SLC39A11: variants seen among roughly 807,000 people sequenced by gnomAD.
SLC39A11 encodes the protein solute carrier family 39 member 11, also known as zinc transporter ZIP11.
In SLC39A11, 33 loss-of-function variants were observed where a neutral mutation model predicts 36.1. That is an observed-to-expected ratio of 0.91 (90% CI 0.69 to 1.22). The LOEUF is 1.22. Among genes scored for constraint, SLC39A11 ranks in the 50% most tolerant of loss-of-function variants. The pLI, the probability that SLC39A11 is intolerant of heterozygous loss-of-function variation, is 0.00. For missense variants in SLC39A11, 432 were observed against 430.3 expected (o/e 1.00, Z -0.03); for synonymous variants, 166 against 170.3 (o/e 0.97, Z 0.20).
intron 6 of SLC39A11, among the ~76,000 whole-genome samples, chr17:72,803,490 T>C (rs1491000585): frequency 6.6e-6 from 1 of 152,122 alleles, no homozygotes; most frequent in Non-Finnish European, 1.5e-5. Flanking sequence ...CTAGGGAAAG[T>C]GGGGGAAGGC....
chr17:73,047,035 T>A (rs184890339), intron 3 of SLC39A11, among the ~76,000 whole-genome samples: 3,174 of 150,312 alleles, frequency 0.021, 56 homozygotes, highest in Non-Finnish European at 0.036. Flanking sequence ...TTATTTTTTT[T>A]TTTTTTTGAG....
chr17:72,896,192 CTTTTTTTTTTT>C (rs771180987), intron 5 of SLC39A11, among the ~76,000 whole-genome samples: 5 of 74,598 alleles, frequency 6.7e-5, no homozygotes, highest in South Asian at 6.3e-4. Context: ...CACATTAATC[CTTTTTTTTTTT>C]TTTTTTTTTT....
At chr17:73,045,685 T>C (rs1378180353) in intron 3 of SLC39A11, among the ~76,000 whole-genome samples, 1 of 152,240 alleles carries the variant, frequency 6.6e-6, no homozygotes, top group East Asian at 1.9e-4. Context: ...CTCATTACTT[T>C]GGTCCTTTCA....
chr17:72,835,477 A>C (rs527700360), intron 6 of SLC39A11, among the ~76,000 whole-genome samples: 1 of 152,026 alleles, frequency 6.6e-6, no homozygotes, highest in African/African-American at 2.4e-5. Flanking sequence ...TTATTTTTTT[A>C]TTGAGACAGG....
At chr17:72,817,593 T>C (rs1337605474) in intron 6 of SLC39A11, among the ~76,000 whole-genome samples, 1 of 152,180 alleles carries the variant, frequency 6.6e-6, no homozygotes. Context: ...AAGCGCTCAA[T>C]GGATGATGGC....
intron 6 of SLC39A11, among the ~76,000 whole-genome samples, chr17:72,748,621 T>C (rs1700752739): frequency 6.6e-6 from 1 of 152,202 alleles, no homozygotes; most frequent in Admixed American, 6.5e-5. Context: ...CAGCCACATC[T>C]TCAAACAACA....
intron 5 of SLC39A11, among the ~76,000 whole-genome samples, chr17:72,860,723 G>A (rs2079933439): frequency 6.6e-6 from 1 of 152,144 alleles, no homozygotes; most frequent in Non-Finnish European, 1.5e-5. Context: ...GACTATCGGT[G>A]TCATTGCAAA....
intron 3 of SLC39A11, among the ~76,000 whole-genome samples, chr17:73,032,184 G>A (rs992689030): frequency 6.6e-6 from 1 of 151,576 alleles, no homozygotes; most frequent in South Asian, 2.1e-4. Flanking sequence ...ATGTCAATGA[G>A]AATGCTGTTG....
chr17:72,719,801 A>T (rs1042170800), intron 7 of SLC39A11, among the ~76,000 whole-genome samples: 2 of 151,974 alleles, frequency 1.3e-5, no homozygotes, highest in African/African-American at 4.8e-5. Context: ...GTCGCCAGGG[A>T]CTTGGGTGGG....
intron 6 of SLC39A11, among the ~76,000 whole-genome samples, chr17:72,795,500 A>T (rs766489443): frequency 6.6e-6 from 1 of 152,102 alleles, no homozygotes; most frequent in Non-Finnish European, 1.5e-5. Context: ...AGCCACAGAG[A>T]CTTCACTTGA....
At position 72,905,199 on chromosome 17, in the gene SLC39A11, G is replaced by T. The variant is rs1039202882; in HGVS notation, c.430+42553C>A. On this transcript the variant is annotated intron_variant, in intron 5 of 9. Transcript: ENST00000255559. ...AAAAAAAAAAAAAAAAAAAAAAAAAGATAGCACAGGCCATGATTCTCCTGG... is the reference window on the plus strand; with the variant it reads ...AAAAAAAAAAAAAAAAAAAAAAAAATATAGCACAGGCCATGATTCTCCTGG... 3.7e-4 allele frequency among the ~76,000 whole-genome samples: 31 copies of T among 82,988 alleles called. 1 individual carries two copies. The highest frequency in any genetic ancestry group is 1.0e-3 in the Admixed American group (8 of 7,978). 54.4% of individuals were successfully genotyped at this position (82,988 alleles called of 152,430 possible).
intron 6 of SLC39A11, among the ~76,000 whole-genome samples, chr17:72,761,996 G>A (rs1172621945): frequency 6.6e-6 from 1 of 152,200 alleles, no homozygotes; most frequent in Non-Finnish European, 1.5e-5. Context: ...AGAGTTTTAG[G>A]CGAGTCTAGA....
intron 3 of SLC39A11, among the ~76,000 whole-genome samples, chr17:73,059,703 A>AG (rs1244278914): frequency 2.5e-5 from 2 of 80,168 alleles, no homozygotes; most frequent in African/African-American, 3.6e-5. Flanking sequence ...TCCATATGCA[A>AG]GGAAAAAAAA....
At chr17:72,828,878 A>G (rs973995588) in intron 6 of SLC39A11, among the ~76,000 whole-genome samples, 1 of 152,174 alleles carries the variant, frequency 6.6e-6, no homozygotes, top group Non-Finnish European at 1.5e-5. Flanking sequence ...GATGAAACTC[A>G]CAGGAGTCAA....
intron 7 of SLC39A11, among the ~76,000 whole-genome samples, chr17:72,704,622 T>C (rs927589827): frequency 1.3e-5 from 2 of 152,216 alleles, no homozygotes; most frequent in Non-Finnish European, 2.9e-5. Flanking sequence ...GCGCCATCTG[T>C]GTGCATTTTA....
At chr17:72,969,264 C>T (rs540353583) in intron 4 of SLC39A11, among the ~76,000 whole-genome samples, 21 of 152,132 alleles carry the variant, frequency 1.4e-4, no homozygotes, top group Middle Eastern at 3.4e-3. Flanking sequence ...AGCTAGACAC[C>T]GAGCGCCCAC....
chr17:73,031,761 G>C, intron 3 of SLC39A11, 47 bp from the exon 4 acceptor site: 1 of 1,595,740 alleles, frequency 6.3e-7, no homozygotes, highest in Non-Finnish European at 8.6e-7. Flanking sequence ...ACTGCAGAAG[G>C]CTTTCCAGGC....
chr17:73,081,628 T>C lies in SLC39A11; in HGVS notation c.147+3180A>G, dbSNP rs71381078. Among the ~76,000 whole-genome samples, 50 of 77,962 alleles carry C rather than the reference T, an allele frequency of 6.4e-4. 1 individual carries two copies. Among genetic ancestry groups the C allele is most frequent in the East Asian group, 2.2e-3 (7 of 3,204 alleles). The allele number at this position is 77,962 out of a possible 152,430, so 51.1% of individuals were successfully genotyped here. On this transcript the variant is annotated intron_variant, in intron 3 of 9. Coordinates refer to ENST00000255559, the MANE Select transcript of SLC39A11 (RefSeq NM_139177.4). ...AAAATGTGATATATATATATATATA[T>C]ACATACACACACACACACACACACA... is the stretch of plus-strand genomic sequence containing the variant.
At chr17:72,870,946 G>C (rs1336309855) in intron 5 of SLC39A11, among the ~76,000 whole-genome samples, 2 of 151,346 alleles carry the variant, frequency 1.3e-5, no homozygotes, top group Admixed American at 1.3e-4. Flanking sequence ...TAAAATCCTT[G>C]TACATTTCCT....
Sources: gnomAD v4.1 joint callset for allele counts (sites outside exome capture counted in the v4.1 genomes callset) on GRCh38, gnomAD v4.1.1 for gene constraint, MANE v1.5 for transcripts, NCBI Gene and HGNC (gene_info 2026-07-23, HGNC 2026-07-21) for gene names.